The following OSGEPL1 variants were observed in gnomAD, a reference collection of about 807,000 sequenced individuals.
OSGEPL1 encodes tRNA N6-adenosine threonylcarbamoyltransferase, mitochondrial.
Under a neutral mutation model 37.2 loss-of-function variants are expected in OSGEPL1, and 26 were observed. The observed-to-expected ratio is 0.70, with a 90% confidence interval of 0.51 to 0.97. The LOEUF (loss-of-function observed/expected upper bound fraction) is 0.97. Ranked by LOEUF, OSGEPL1 falls within the 50% of genes least tolerant of loss-of-function variation. The probability of loss-of-function intolerance (pLI) is 0.00; values close to 1 mark genes in which losing one functional copy is unlikely to be tolerated. For synonymous variants in OSGEPL1, 140 were observed against 159.9 expected, an observed-to-expected ratio of 0.88 and a Z score of 0.94; for missense variants, 404 against 487.0, an observed-to-expected ratio of 0.83 and a Z score of 1.60.
chr2:189,760,179 A>G (rs1195400008), intron 2 of OSGEPL1, among the ~76,000 whole-genome samples: 2 of 152,158 alleles, frequency 1.3e-5, no homozygotes, highest in Non-Finnish European at 2.9e-5. Context: ...CATATTAACA[A>G]TCTGATCTCT....
Position 189,762,747 on chromosome 2 carries a change from C to A in OSGEPL1, c.-83G>T. On this transcript the variant is annotated 5_prime_UTR_variant, in exon 1 of 9. Transcript: ENST00000264151. Reference sequence around the variant, plus strand: ...TTCCCTACTAAAGACTGTCGACTGCCCTTATCGCTGCAGGAGAAAGCCCGA... The same window carrying A: ...TTCCCTACTAAAGACTGTCGACTGCACTTATCGCTGCAGGAGAAAGCCCGA... 1.0e-6 allele frequency: 1 copy of A among 985,532 alleles called. No homozygotes were observed. Among genetic ancestry groups the A allele is most frequent in the Non-Finnish European group, 1.2e-6 (1 of 830,040 alleles). 61.0% of individuals were successfully genotyped at this position (985,532 alleles called of 1,614,324 possible).
At position 189,754,355 on chromosome 2, in the gene OSGEPL1, A is replaced by G. The variant is rs1217909609; in HGVS notation, c.610-10T>C. 1 of 1,585,352 alleles carries G rather than the reference A, an allele frequency of 6.3e-7. No individual in the cohort carries two copies. Among genetic ancestry groups the G allele is most frequent in the Admixed American group, 1.8e-5 (1 of 54,546 alleles). On this transcript the variant is annotated splice_polypyrimidine_tract_variant and intron_variant, in intron 3 of 8. Transcript: ENST00000264151. ...AAAGTCTTCTTGCCACCTATCAAAG[A>G]AACATATTTTTTAGAGTCATAAAAT...
intron 1 of OSGEPL1, 23 bp from the exon 2 acceptor site, chr2:189,761,683 ACTT>A: frequency 6.8e-7 from 1 of 1,479,304 alleles, no homozygotes; most frequent in Non-Finnish European, 8.9e-7. Context: ...TACAGAAACA[ACTT>A]ATTATTTGCA....
intron 8 of OSGEPL1, 170 bp from the exon 9 acceptor site, chr2:189,747,338 C>CTAAA (rs560791152): frequency 1.3e-5 from 1 of 75,744 alleles, no homozygotes. Flanking sequence ...GACCCTGTCT[C>CTAAA]AAAAAAAAAA....
At chr2:189,757,058 G>C (rs1408773328) in intron 2 of OSGEPL1, among the ~76,000 whole-genome samples, 1 of 152,082 alleles carries the variant, frequency 6.6e-6, no homozygotes, top group Non-Finnish European at 1.5e-5. Flanking sequence ...TATTCTCAAA[G>C]AATTAATAAT....
chr2:189,762,587 C>T, intron 1 of OSGEPL1, 98 bp downstream of exon 1: 1 of 985,460 alleles, frequency 1.0e-6, no homozygotes, highest in Non-Finnish European at 1.2e-6. Flanking sequence ...TAGCGCTGGT[C>T]TCCTGTCGGC....
At chr2:189,755,097 T>C (rs1291750599) in intron 3 of OSGEPL1, 76 bp downstream of exon 3, 4 of 1,478,970 alleles carry the variant, frequency 2.7e-6, no homozygotes, top group Non-Finnish European at 3.7e-6. Flanking sequence ...AGGTGAATGG[T>C]GGTAGCACAT....
intron 3 of OSGEPL1, 39 bp from the exon 4 acceptor site, chr2:189,754,384 A>G: frequency 2.0e-6 from 3 of 1,517,840 alleles, no homozygotes; most frequent in Non-Finnish European, 2.7e-6. Flanking sequence ...ATAAAATTAA[A>G]TACTGTGAAA....
chr2:189,753,876 G>C, intron 5 of OSGEPL1, 40 bp downstream of exon 5: 4 of 1,599,322 alleles, frequency 2.5e-6, no homozygotes, highest in Non-Finnish European at 3.4e-6. Flanking sequence ...GTAACATATT[G>C]CAAAGTGTAA....
chr2:189,755,031 T>C, intron 3 of OSGEPL1, 142 bp downstream of exon 3: 1 of 949,718 alleles, frequency 1.1e-6, no homozygotes, highest in Non-Finnish European at 1.5e-6. Context: ...CTTTCTATTT[T>C]TTCTCACCAT....
Position 189,755,376 on chromosome 2 carries a change from C to T in OSGEPL1, c.406G>A (p.Gly136Arg). 1.2e-6 allele frequency: 2 copies of T among 1,613,548 alleles called. No individual in the cohort carries two copies. The highest frequency in any genetic ancestry group is 4.5e-5 in the East Asian group (2 of 44,868). ...VGLSFSLQLV[G>R]QLKKPFIPIH... The stretch of plus-strand genomic sequence containing the variant: ...GGAATGAATGGCTTTTTTAACTGTC[C>T]TACCAGCTGTAAGCTAAATGATAAG... Residue 136 changes from glycine (G) to arginine (R), a missense_variant, in exon 3 of 9, where the codon GGA becomes AGA. Coordinates refer to ENST00000264151, the MANE Select transcript of OSGEPL1 (RefSeq NM_022353.3).
intron 1 of OSGEPL1, among the ~76,000 whole-genome samples, chr2:189,761,946 TAG>T (rs1483266582): frequency 4.6e-5 from 7 of 152,210 alleles, no homozygotes; most frequent in Admixed American, 3.3e-4. Flanking sequence ...CAATAATTGA[TAG>T]AGTCCTCTGA....
rs1359507500 is a variant in OSGEPL1, at chr2:189,761,944, GAT to G, written c.-20-286_-20-285del. Among the ~76,000 whole-genome samples the G allele has an allele frequency of 2.6e-5, 4 of 152,270 alleles. No individual in the cohort carries two copies. The East Asian group carries it at 7.7e-4, about 29-fold the overall frequency. Reference sequence around the variant, plus strand: ...ACAGCTAATATAAAGTACAATAATTGATAGAGTCCTCTGAAAAGTGCTATTTA... The same window carrying G: ...ACAGCTAATATAAAGTACAATAATTGAGAGTCCTCTGAAAAGTGCTATTTA... On this transcript the variant is annotated intron_variant, in intron 1 of 8. Coordinates refer to ENST00000264151, the MANE Select transcript of OSGEPL1 (RefSeq NM_022353.3).
chr2:189,758,121 G>A (rs1484717672), intron 2 of OSGEPL1, among the ~76,000 whole-genome samples: 1 of 152,106 alleles, frequency 6.6e-6, no homozygotes, highest in African/African-American at 2.4e-5. Flanking sequence ...GGTGGTTCAC[G>A]CCTGTAATCC....
At position 189,748,174 on chromosome 2, in the gene OSGEPL1, GGTGA is replaced by G. The variant is rs1309841595; in HGVS notation, c.*29-1010_*29-1007del. ...TATGTGCTAGAGTCCAAAGTCAGTGGGTGAGTGAGTGGGTGAATGAATTATTATT... is the reference window on the plus strand; with the variant it reads ...TATGTGCTAGAGTCCAAAGTCAGTGGGTGAGTGGGTGAATGAATTATTATT... On this transcript the variant is annotated intron_variant, in intron 8 of 8. Coordinates refer to ENST00000264151, the MANE Select transcript of OSGEPL1 (RefSeq NM_022353.3). Among the ~76,000 whole-genome samples, 19 of 152,234 alleles carry G rather than the reference GGTGA, an allele frequency of 1.2e-4. No individual in the cohort carries two copies. In the Middle Eastern group the frequency reaches 0.01, roughly 82 times the overall value.
Position 189,754,009 on chromosome 2 carries a change from C to T in OSGEPL1, c.870G>A (p.Gln290=), listed in dbSNP as rs746018228. 31 of 1,613,542 alleles carry T rather than the reference C, an allele frequency of 1.9e-5. No homozygotes were observed. The highest frequency in any genetic ancestry group is 3.3e-4 in the Middle Eastern group (2 of 6,084). Residue 290 remains glutamine, a synonymous_variant, in exon 5 of 9, where the codon CAG becomes CAA. Coordinates refer to ENST00000264151, the MANE Select transcript of OSGEPL1 (RefSeq NM_022353.3). The part of the protein sequence containing the change: ...SSAADIAATV[Q]HTMACHLVKR... ...TCACAAGATGACATGCCATTGTGTG[C>T]TGTACTGTGGCAGCAATGTCTGCTG...
rs763636471 is a variant in OSGEPL1 at position 189,761,642 on chromosome 2, C to A, written c.-2G>T. ...TGCAGTCTTAGTCAAGATTAGCATA[C>A]TTACTCTATAGATAATTCCTGAAAA... On this transcript the variant is annotated 5_prime_UTR_variant, in exon 2 of 9. Transcript: ENST00000264151. 1.3e-6 allele frequency: 2 copies of A among 1,575,058 alleles called. No homozygotes were observed. Among genetic ancestry groups the A allele is most frequent in the African/African-American group, 1.4e-5 (1 of 72,970 alleles).
Position 189,754,137 on chromosome 2 carries a change from A to G in OSGEPL1, c.814+4T>C, listed in dbSNP as rs752386013. The G allele has an allele frequency of 1.9e-6, 3 of 1,613,016 alleles. No individual in the cohort carries two copies. In the East Asian group the frequency reaches 6.7e-5, roughly 36 times the overall value. ...CTGTTCAACTTTACTAATTAGAAATATACCTTCCTCTTTTTCCTTTTTCAT... is the reference window on the plus strand; with the variant it reads ...CTGTTCAACTTTACTAATTAGAAATGTACCTTCCTCTTTTTCCTTTTTCAT... On this transcript the variant is annotated splice_donor_region_variant and intron_variant, in intron 4 of 8. Transcript: ENST00000264151.
intron 3 of OSGEPL1, 82 bp downstream of exon 3, chr2:189,755,091 G>A: frequency 6.8e-7 from 1 of 1,477,704 alleles, no homozygotes; most frequent in East Asian, 2.3e-5. Flanking sequence ...ATATTTAGGT[G>A]AATGGTGGTA....
Sources: gnomAD v4.1 joint callset for allele counts (sites outside exome capture counted in the v4.1 genomes callset) on GRCh38, gnomAD v4.1.1 for gene constraint, MANE v1.5 for transcripts, NCBI Gene and HGNC (gene_info 2026-07-23, HGNC 2026-07-21) for gene names.